Variants in PCDHGB1 observed in about 807,000 individuals in gnomAD.
PCDHGB1 encodes the protein protocadherin gamma-B1.
In PCDHGB1, 34 loss-of-function variants were observed where a neutral mutation model predicts 56.6. That is an observed-to-expected ratio of 0.60 (90% CI 0.46 to 0.80). The LOEUF (loss-of-function observed/expected upper bound fraction) is 0.80, where lower values mean the gene tolerates loss of function less well. Among genes scored for constraint, PCDHGB1 ranks in the 30% least tolerant of loss-of-function variants. The pLI is 0.00. For missense variants in PCDHGB1, 1,278 were observed against 1,204.6 expected, an observed-to-expected ratio of 1.06 and a Z score of -0.90; for synonymous variants, 561 against 505.9, an observed-to-expected ratio of 1.11 and a Z score of -1.46.
chr5:141,399,097 G>GT (rs1217179640), intron 1 of PCDHGB1: 2 of 1,613,816 alleles, frequency 1.2e-6, no homozygotes, highest in Admixed American at 3.3e-5. Flanking sequence ...TGGTGGACTG[G>GT]TTGCACAATG....
At chr5:141,468,849 G>C (rs1349849817) in intron 1 of PCDHGB1, among the ~76,000 whole-genome samples, 2 of 152,058 alleles carry the variant, frequency 1.3e-5, no homozygotes, top group East Asian at 3.9e-4. Flanking sequence ...CTGGGCAACA[G>C]AGCGAGACTC....
intron 1 of PCDHGB1, among the ~76,000 whole-genome samples, chr5:141,464,935 T>A (rs1157718693): frequency 6.6e-6 from 1 of 151,882 alleles, no homozygotes; most frequent in African/African-American, 2.4e-5. Flanking sequence ...AGATGTGAGG[T>A]CTCACTATGT....
At chr5:141,353,250 A>G (rs978848426) in intron 1 of PCDHGB1, among the ~76,000 whole-genome samples, 7 of 152,188 alleles carry the variant, frequency 4.6e-5, no homozygotes, top group Non-Finnish European at 8.8e-5. Context: ...GCCTTTTCTT[A>G]GTTGATATGC....
chr5:141,374,464 T>C, intron 1 of PCDHGB1: 1 of 1,613,434 alleles, frequency 6.2e-7, no homozygotes, highest in Non-Finnish European at 8.5e-7. Flanking sequence ...TGGACATTAA[T>C]GACAATACAC....
intron 1 of PCDHGB1, chr5:141,407,908 G>C (rs1431775491): frequency 2.4e-6 from 1 of 420,166 alleles, no homozygotes; most frequent in Non-Finnish European, 4.2e-6. Flanking sequence ...ATGAAAAACC[G>C]GGCTGCTGTC....
At chr5:141,437,930 G>A (rs142381129) in intron 1 of PCDHGB1, among the ~76,000 whole-genome samples, 2,019 of 152,152 alleles carry the variant, frequency 0.013, 16 homozygotes, top group Middle Eastern at 0.034. Context: ...TAGAGATGGG[G>A]TTTCACCATA....
chr5:141,505,679 G>A (rs1350871637), intron 3 of PCDHGB1, among the ~76,000 whole-genome samples, 198 bp downstream of exon 3: 24 of 152,172 alleles, frequency 1.6e-4, no homozygotes, highest in Non-Finnish European at 3.5e-4. Flanking sequence ...TGGGGGTCCT[G>A]GGATGCCTGG....
chr5:141,370,990 C>T (rs763809323), intron 1 of PCDHGB1: 3 of 1,613,826 alleles, frequency 1.9e-6, no homozygotes, highest in Admixed American at 1.7e-5. Flanking sequence ...CTGAAAGCAC[C>T]CCTGGACAGG....
chr5:141,510,015 A>G (rs2099879210), intron 3 of PCDHGB1, among the ~76,000 whole-genome samples: 1 of 152,210 alleles, frequency 6.6e-6, no homozygotes, highest in Non-Finnish European at 1.5e-5. Flanking sequence ...GTCATACCAC[A>G]TAGCTGGCTG....
chr5:141,427,971 C>T (rs764145525), intron 1 of PCDHGB1: 1 of 1,593,512 alleles, frequency 6.3e-7, no homozygotes, highest in African/African-American at 1.3e-5. Flanking sequence ...GGTGCTGTAC[C>T]CCGCGCTGGG....
intron 1 of PCDHGB1, chr5:141,389,406 G>C (rs1235613335): frequency 2.5e-6 from 4 of 1,613,514 alleles, no homozygotes; most frequent in Non-Finnish European, 3.4e-6. Flanking sequence ...CATAAGCGCG[G>C]AGAGCGGGGT....
chr5:141,408,540 C>G (rs201370009), intron 1 of PCDHGB1: 4 of 1,613,928 alleles, frequency 2.5e-6, no homozygotes, highest in Non-Finnish European at 3.4e-6. Flanking sequence ...GTGGAAAATC[C>G]TTTAAATATT....
chr5:141,386,090 T>C (rs184634259), intron 1 of PCDHGB1: 1 of 152,362 alleles, frequency 6.6e-6, no homozygotes, highest in Non-Finnish European at 1.5e-5. Context: ...TACAGCCAGA[T>C]GAAGTGTGTC....
At position 141,422,850 on chromosome 5, in the gene PCDHGB1, G is replaced by A. The variant is rs184432819; in HGVS notation, c.2409+70181G>A. On this transcript the variant is annotated intron_variant, in intron 1 of 3. Transcript: ENST00000523390. Reference sequence around the variant, plus strand: ...TGATAGCACGTGACAGCGGGGACCCGCCCCTCAGCAGCAACGTGTCGCTGA... The same window carrying A: ...TGATAGCACGTGACAGCGGGGACCCACCCCTCAGCAGCAACGTGTCGCTGA... 154 of 1,614,204 alleles carry A rather than the reference G, an allele frequency of 9.5e-5. 1 individual carries two copies. The African/African-American group carries it at 1.3e-3, about 14-fold the overall frequency.
In PCDHGB1 at chr5:141,491,723, G is replaced by A. The variant is rs764792125; in HGVS notation, c.2410-3084G>A. The A allele has an allele frequency of 1.7e-5, 27 of 1,606,770 alleles. No individual in the cohort carries two copies. In the African/African-American group the frequency reaches 3.2e-4, roughly 19 times the overall value. On this transcript the variant is annotated intron_variant, in intron 1 of 3. Coordinates refer to ENST00000523390, the MANE Select transcript of PCDHGB1 (RefSeq NM_018922.3). The surrounding 1 kb of genome is among the most constrained non-coding windows in gnomAD (Gnocchi z 6.9). The stretch of plus-strand genomic sequence containing the variant: ...CAGGTGAGGGGCTCGGCGCCGCCCC[G>A]GGCGACCCCTGGGGGCGGCACTGGA...
Position 141,486,829 on chromosome 5 carries a change from T to A in PCDHGB1, c.2410-7978T>A. 1 of 1,614,178 alleles carries A rather than the reference T, an allele frequency of 6.2e-7. No individual in the cohort carries two copies. On this transcript the variant is annotated intron_variant, in intron 1 of 3. Coordinates refer to ENST00000523390, the MANE Select transcript of PCDHGB1 (RefSeq NM_018922.3). The surrounding 1 kb of genome is among the most constrained non-coding windows in gnomAD (Gnocchi z 5.0). ...CCCTTAGCAGCACTGTAACAGTTCG[T>A]CTATTTGTGCTGGACCTCAATGACA...
intron 2 of PCDHGB1, among the ~76,000 whole-genome samples, chr5:141,505,092 G>A (rs965653546): frequency 5.9e-5 from 9 of 152,170 alleles, no homozygotes; most frequent in African/African-American, 2.2e-4. Flanking sequence ...AACCCAGGAG[G>A]TGGATGTTGC....
At chr5:141,371,998 G>A (rs893704391) in intron 1 of PCDHGB1, 3 of 1,613,266 alleles carry the variant, frequency 1.9e-6, no homozygotes, top group Non-Finnish European at 1.7e-6. Flanking sequence ...CTGCAGGCCC[G>A]CGACCAGGGC....
intron 1 of PCDHGB1, among the ~76,000 whole-genome samples, chr5:141,437,811 C>A (rs964885701): frequency 6.6e-6 from 1 of 150,864 alleles, no homozygotes; most frequent in African/African-American, 2.4e-5. Flanking sequence ...TATCTTGGCT[C>A]ACTGCAACCT....
Sources: gnomAD v4.1 joint callset for allele counts (sites outside exome capture counted in the v4.1 genomes callset) on GRCh38, gnomAD v4.1.1 for gene constraint, Gnocchi (gnomAD v3.1) non-coding constraint, MANE v1.5 for transcripts, NCBI Gene and HGNC (gene_info 2026-07-23, HGNC 2026-07-21) for gene names.